Variants in HDAC4 observed in about 807,000 individuals in gnomAD.
The protein encoded by HDAC4 is histone deacetylase A.
HDAC4 carries 16 observed loss-of-function variants against 135.1 expected under a neutral mutation model. The ratio of observed to expected loss-of-function variants is 0.12; its 90% confidence interval spans 0.08 to 0.18. HDAC4 has a LOEUF of 0.18. HDAC4 is among the 10% of genes least tolerant of loss of function. The probability of loss-of-function intolerance (pLI) is 1.00; values close to 1 mark genes in which losing one functional copy is unlikely to be tolerated. For missense variants in HDAC4, 1,143 were observed against 1,511.8 expected (o/e 0.76, Z 4.05); for synonymous variants, 685 against 653.4 (o/e 1.05, Z -0.74).
chr2:239,375,483 C>T (rs1694940062), intron 1 of HDAC4, among the ~76,000 whole-genome samples: 1 of 152,186 alleles, frequency 6.6e-6, no homozygotes, highest in South Asian at 2.1e-4. Flanking sequence ...CAGGCCTGAG[C>T]GTCCTCCATG....
chr2:239,168,030 T>G (rs1196508776), intron 5 of HDAC4, among the ~76,000 whole-genome samples: 1 of 152,224 alleles, frequency 6.6e-6, no homozygotes, highest in Non-Finnish European at 1.5e-5. Flanking sequence ...GGCCGTGGCC[T>G]GGGCCTGGCG....
intron 1 of HDAC4, among the ~76,000 whole-genome samples, chr2:239,388,194 T>C (rs1453821034): frequency 2.6e-5 from 4 of 152,144 alleles, no homozygotes; most frequent in African/African-American, 9.7e-5. Context: ...TTACTTATCC[T>C]GACAACAGTT....
chr2:239,169,802 C>A (rs1028534400), intron 5 of HDAC4, among the ~76,000 whole-genome samples: 1 of 152,168 alleles, frequency 6.6e-6, no homozygotes, highest in Non-Finnish European at 1.5e-5. Flanking sequence ...TCTGGAAGCT[C>A]TCCCCTATGC....
At chr2:239,357,906 AAAAAAAAAAAAG>A (rs371802343) in intron 1 of HDAC4, among the ~76,000 whole-genome samples, 13,675 of 140,842 alleles carry the variant, frequency 0.097, 2,170 homozygotes, top group East Asian at 0.66. Flanking sequence ...AAAAAAAAAA[AAAAAAAAAAAAG>A]AGAGTGGGAA....
In HDAC4 at chr2:239,048,236, A is replaced by G. The variant is rs2030242170; in HGVS notation, c.*4861T>C. On this transcript the variant is annotated 3_prime_UTR_variant, in exon 27 of 27. Coordinates refer to ENST00000543185, the MANE Select transcript of HDAC4 (RefSeq NM_001378414.1). ...CACGTTGCGTGATGTGGTACAGAATACTGGACTCCAGTGAAGTGGAAAGAA... is the reference window on the plus strand; with the variant it reads ...CACGTTGCGTGATGTGGTACAGAATGCTGGACTCCAGTGAAGTGGAAAGAA... 1.3e-5 allele frequency: 2 copies of G among 152,314 alleles called. No homozygotes were observed. The highest frequency in any genetic ancestry group is 4.1e-4 in the South Asian group (2 of 4,824). The allele number at this position is 152,314 out of a possible 1,614,324, so 9.4% of individuals were successfully genotyped here.
At chr2:239,264,399 T>C (rs949201452) in intron 2 of HDAC4, among the ~76,000 whole-genome samples, 7 of 152,202 alleles carry the variant, frequency 4.6e-5, no homozygotes, top group Admixed American at 2.0e-4. Flanking sequence ...TTTTGTTTGG[T>C]TGGTTTCTAA....
chr2:239,377,275 G>A (rs761035515), intron 1 of HDAC4, among the ~76,000 whole-genome samples: 3 of 152,330 alleles, frequency 2.0e-5, no homozygotes, highest in East Asian at 1.9e-4. Flanking sequence ...ACTAACCGAA[G>A]CCACTGCCAG....
chr2:239,219,501 A>G (rs1255071122), intron 3 of HDAC4, among the ~76,000 whole-genome samples: 2 of 152,064 alleles, frequency 1.3e-5, no homozygotes, highest in African/African-American at 2.4e-5. Context: ...GATAGCATTA[A>G]GAGATATACC....
intron 22 of HDAC4, among the ~76,000 whole-genome samples, chr2:239,072,691 A>G (rs1486559413): frequency 2.6e-5 from 4 of 152,252 alleles, no homozygotes; most frequent in Non-Finnish European, 5.9e-5. Context: ...GGCTGGCCCT[A>G]AAACTTTTTC....
chr2:239,123,352 G>A (rs570666598), intron 12 of HDAC4, among the ~76,000 whole-genome samples: 4 of 152,164 alleles, frequency 2.6e-5, no homozygotes, highest in East Asian at 1.9e-4. Flanking sequence ...TTTCTGATGC[G>A]TTCCCTGCTG....
intron 18 of HDAC4, among the ~76,000 whole-genome samples, chr2:239,088,704 T>C (rs1292189075): frequency 6.6e-6 from 1 of 152,172 alleles, no homozygotes; most frequent in Admixed American, 6.5e-5. Flanking sequence ...ATCTCCGCCC[T>C]CAAACACGTC....
chr2:239,278,778 G>GA (rs1216028207), intron 2 of HDAC4, among the ~76,000 whole-genome samples: 3 of 152,210 alleles, frequency 2.0e-5, no homozygotes, highest in African/African-American at 7.2e-5. Context: ...CTTCCTTCAG[G>GA]AAACGGCTTT....
intron 2 of HDAC4, among the ~76,000 whole-genome samples, chr2:239,334,015 A>G (rs1463461929): frequency 6.6e-6 from 1 of 152,244 alleles, no homozygotes; most frequent in Non-Finnish European, 1.5e-5. Flanking sequence ...TTTAAAAATT[A>G]GCAAAGAAGA....
In HDAC4 at chr2:239,048,699, T is replaced by A. The variant is rs914814175; in HGVS notation, c.*4398A>T. 1 of 152,230 alleles carries A rather than the reference T, an allele frequency of 6.6e-6. No homozygotes were observed. The highest frequency in any genetic ancestry group is 1.5e-5 in the Non-Finnish European group (1 of 68,044). 9.4% of individuals were successfully genotyped at this position (152,230 alleles called of 1,614,324 possible). On this transcript the variant is annotated 3_prime_UTR_variant, in exon 27 of 27. Transcript: ENST00000543185. ...ACTGTTCGCTTTCTTTTTCTTTCAATAGCAGACTTTTAATCAATGCCAGAG... is the reference window on the plus strand; with the variant it reads ...ACTGTTCGCTTTCTTTTTCTTTCAAAAGCAGACTTTTAATCAATGCCAGAG...
At chr2:239,171,921 C>G (rs989333851) in intron 5 of HDAC4, among the ~76,000 whole-genome samples, 3 of 152,090 alleles carry the variant, frequency 2.0e-5, no homozygotes, top group Non-Finnish European at 4.4e-5. Flanking sequence ...AAAGATTAAC[C>G]TGAAATCACA....
intron 12 of HDAC4, among the ~76,000 whole-genome samples, chr2:239,123,502 A>G (rs974930432): frequency 6.6e-6 from 1 of 152,236 alleles, no homozygotes; most frequent in Admixed American, 6.5e-5. Context: ...CCCTGGAGCA[A>G]GGCCCCAAGG....
chr2:239,242,633 T>C (rs1334056274), intron 2 of HDAC4, among the ~76,000 whole-genome samples: 1 of 152,232 alleles, frequency 6.6e-6, no homozygotes, highest in African/African-American at 2.4e-5. Context: ...CCTTTTCTTC[T>C]TCTTTATTCT....
At chr2:239,078,582 C>T (rs1014887933) in intron 22 of HDAC4, among the ~76,000 whole-genome samples, 1 of 152,134 alleles carries the variant, frequency 6.6e-6, no homozygotes, top group African/African-American at 2.4e-5. Flanking sequence ...GCTATTTAAG[C>T]TTTAAAAAGT....
chr2:239,183,724 C>T (rs1288640634), intron 4 of HDAC4, among the ~76,000 whole-genome samples: 2 of 152,188 alleles, frequency 1.3e-5, no homozygotes, highest in East Asian at 1.9e-4. Context: ...GCCTCCCCAC[C>T]GCACCCCTGT....
Sources: gnomAD v4.1 joint callset for allele counts (sites outside exome capture counted in the v4.1 genomes callset) on GRCh38, gnomAD v4.1.1 for gene constraint, MANE v1.5 for transcripts, NCBI Gene and HGNC (gene_info 2026-07-23, HGNC 2026-07-21) for gene names.